FBN2: variants seen among roughly 807,000 people sequenced by gnomAD.
FBN2 encodes fibrillin 2.
Under a neutral mutation model 355.6 loss-of-function variants are expected in FBN2, and 105 were observed. The observed-to-expected ratio is 0.30, with a 90% CI of 0.25 to 0.35. The LOEUF (loss-of-function observed/expected upper bound fraction) is 0.35. Ranked by LOEUF, FBN2 falls within the 10% of genes least tolerant of loss-of-function variation. FBN2 has a pLI of 1.00. For synonymous variants in FBN2, 1,350 were observed against 1,301.2 expected, an observed-to-expected ratio of 1.04 and a Z score of -0.81; for missense variants, 3,280 against 3,758.7, an observed-to-expected ratio of 0.87 and a Z score of 3.33.
Position 128,286,284 on chromosome 5 carries a change from T to G in FBN2, c.7012+434A>C, listed in dbSNP as rs148730333. On this transcript the variant is annotated intron_variant, in intron 55 of 64. Transcript: ENST00000262464. ...TATGACACATGTAATTCAGAATAGT[T>G]CAGAAACTCACTCTTTTGTAAAATA... is the stretch of plus-strand genomic sequence containing the variant. Among the ~76,000 whole-genome samples, 611 of 152,352 alleles carry G rather than the reference T, an allele frequency of 4.0e-3. 3 individuals carry two copies. The highest frequency in any genetic ancestry group is 0.014 in the African/African-American group (574 of 41,584).
intron 55 of FBN2, among the ~76,000 whole-genome samples, chr5:128,281,143 T>C (rs942999488): frequency 3.9e-5 from 6 of 152,202 alleles, no homozygotes; most frequent in African/African-American, 1.2e-4. Context: ...GATTTCAATT[T>C]TGGTACTACA....
chr5:128,451,261 T>C (rs1332152952), intron 6 of FBN2, among the ~76,000 whole-genome samples: 1 of 152,170 alleles, frequency 6.6e-6, no homozygotes, highest in Non-Finnish European at 1.5e-5. Flanking sequence ...TTGTACTGAA[T>C]TAAAGTAGAT....
At position 128,366,382 on chromosome 5, in the gene FBN2, C is replaced by T; in HGVS notation, c.2297G>A (p.Gly766Glu). The change falls in exon 17 of 65, where the codon GGA becomes GAA. Residue 766 changes from glycine (G) to glutamate (E), a missense_variant. Gly to Glu is a moderately conservative substitution (Grantham distance 98). This residue lies in a region of FBN2 where 2,284 missense variants were observed against 2,749.5 expected (regional missense o/e 0.83). Coordinates refer to ENST00000262464, the MANE Select transcript of FBN2 (RefSeq NM_001999.4). Reference protein sequence around the residue: ...CSSGVGITVDGRDINECALDP... With the variant: ...CSSGVGITVDERDINECALDP... ...TTGAGATTAACTAGAGTTACCTCTT[C>T]CATCCACAGTGATACCTACTCCACT... is the stretch of plus-strand genomic sequence containing the variant. 1.3e-6 allele frequency: 2 copies of T among 1,586,434 alleles called. No individual in the cohort carries two copies. The highest frequency in any genetic ancestry group is 1.7e-4 in the Middle Eastern group (1 of 5,986).
rs527609978 is a variant in FBN2, at chr5:128,301,487, A to T, written c.5941T>A (p.Phe1981Ile). The T allele has an allele frequency of 1.3e-5, 21 of 1,613,556 alleles. No homozygotes were observed. In the East Asian group the frequency reaches 4.2e-4, roughly 33 times the overall value. ...CLDIDECSSF[F>I]GQVCRNGRCF... ...CGTCCATTTCTGCACACCTGACCAA[A>T]AAAGGAACTGCACTCATCTATGTCT... The change falls in exon 47 of 65, where the codon TTT becomes ATT. Residue 1981 changes from phenylalanine (F) to isoleucine (I), a missense_variant. Physicochemically the swap from Phe to Ile is conservative, Grantham distance 21. Around this residue, in one of 6 missense-constraint regions of FBN2, gnomAD observed 2,284 missense variants for 2,749.5 expected, o/e 0.83. Transcript: ENST00000262464.
intron 62 of FBN2, among the ~76,000 whole-genome samples, chr5:128,269,279 A>AATC (rs1157499066): frequency 7.0e-6 from 1 of 143,864 alleles, no homozygotes; most frequent in Non-Finnish European, 1.5e-5. Flanking sequence ...TAATAATAAT[A>AATC]ATAGTAATAA....
chr5:128,422,196 C>A (rs1045312282), intron 7 of FBN2, among the ~76,000 whole-genome samples: 3 of 152,124 alleles, frequency 2.0e-5, no homozygotes, highest in Non-Finnish European at 4.4e-5. Context: ...AACTGTAAGA[C>A]AATAAATCTG....
In FBN2 at chr5:128,377,425, T is replaced by C. The variant is rs562021215; in HGVS notation, c.1849+327A>G. On this transcript the variant is annotated intron_variant, in intron 13 of 64. Coordinates refer to ENST00000262464, the MANE Select transcript of FBN2 (RefSeq NM_001999.4). ...TGTAACCCCAACACCTGAAATACAG[T>C]AGCGGTCAGTAATTGTTTAAACTTA... 2.6e-5 allele frequency among the ~76,000 whole-genome samples: 4 copies of C among 152,214 alleles called. No homozygotes were observed. In the South Asian group the frequency reaches 8.3e-4, roughly 32 times the overall value.
intron 4 of FBN2, among the ~76,000 whole-genome samples, chr5:128,522,993 G>C (rs1164107397): frequency 2.0e-5 from 3 of 152,154 alleles, no homozygotes. Context: ...TGTTTTTCCT[G>C]TGTGGGTTGG....
intron 5 of FBN2, among the ~76,000 whole-genome samples, chr5:128,498,792 T>C (rs1017009017): frequency 1.7e-4 from 26 of 152,238 alleles, no homozygotes; most frequent in African/African-American, 5.8e-4. Context: ...TATTTCACTA[T>C]GATCTCTACA....
intron 27 of FBN2, 95 bp from the exon 28 acceptor site, chr5:128,336,208 T>C: frequency 8.2e-7 from 1 of 1,217,118 alleles, no homozygotes; most frequent in African/African-American, 1.5e-5. Context: ...TCCAAAGGGG[T>C]TTGTGTACTT....
chr5:128,263,154 T>C (rs1319309274), intron 63 of FBN2, among the ~76,000 whole-genome samples: 2 of 152,228 alleles, frequency 1.3e-5, no homozygotes, highest in Admixed American at 6.5e-5. Context: ...TTGGGTCAAA[T>C]TGAATCAATT....
At chr5:128,269,528 G>A (rs892510662) in intron 62 of FBN2, among the ~76,000 whole-genome samples, 10 of 150,522 alleles carry the variant, frequency 6.6e-5, no homozygotes, top group East Asian at 3.9e-4. Flanking sequence ...CAACTTCAGC[G>A]AAGCCTCAGG....
chr5:128,535,010 G>T (rs1381198687), intron 2 of FBN2, among the ~76,000 whole-genome samples: 2 of 152,190 alleles, frequency 1.3e-5, no homozygotes, highest in Non-Finnish European at 2.9e-5. Context: ...AGCAGCCATG[G>T]TAATGCCCTA....
At chr5:128,515,992 C>T (rs1756271342) in intron 5 of FBN2, among the ~76,000 whole-genome samples, 1 of 152,082 alleles carries the variant, frequency 6.6e-6, no homozygotes, top group South Asian at 2.1e-4. Flanking sequence ...AAGAAAATTC[C>T]ATTACAAAAG....
Position 128,390,737 on chromosome 5 carries a change from G to T in FBN2, c.1603+1281C>A, listed in dbSNP as rs1371220881. ...TACTATTTTTACTTGAAGAATGACT[G>T]ACAAATTATAGTTATTCAGAGTTAT... On this transcript the variant is annotated intron_variant, in intron 11 of 64. Coordinates refer to ENST00000262464, the MANE Select transcript of FBN2 (RefSeq NM_001999.4). Among the ~76,000 whole-genome samples the T allele has an allele frequency of 2.6e-5, 4 of 152,310 alleles. No homozygotes were observed. In the East Asian group the frequency reaches 7.7e-4, roughly 29 times the overall value.
In FBN2 at chr5:128,280,240, C is replaced by T; in HGVS notation, c.7090G>A (p.Glu2364Lys). The T allele has an allele frequency of 6.2e-7, 1 of 1,611,926 alleles. No individual in the cohort carries two copies. Among genetic ancestry groups the T allele is most frequent in the Non-Finnish European group, 8.5e-7 (1 of 1,178,192 alleles). Reference sequence around the variant, plus strand: ...CTTGACTGGAATCCTTCATTACACTCACATCTATAGCTTCCAATAATGTTA... The same window carrying T: ...CTTGACTGGAATCCTTCATTACACTTACATCTATAGCTTCCAATAATGTTA... Reference protein sequence around the residue: ...CVNIIGSYRCECNEGFQSSSS... With the variant: ...CVNIIGSYRCKCNEGFQSSSS... The change falls in exon 56 of 65, where the codon GAG becomes AAG. Residue 2364 changes from glutamate to lysine, a missense_variant. Glu to Lys is a moderately conservative substitution (Grantham distance 56, BLOSUM62 1). Around this residue, in one of 6 missense-constraint regions of FBN2, gnomAD observed 2,284 missense variants for 2,749.5 expected, o/e 0.83. Coordinates refer to ENST00000262464, the MANE Select transcript of FBN2 (RefSeq NM_001999.4).
In FBN2 at chr5:128,376,765, T is replaced by C. The variant is rs1057518608; in HGVS notation, c.1938A>G (p.Gly646=). The C allele has an allele frequency of 1.2e-6, 2 of 1,613,600 alleles. No individual in the cohort carries two copies. The highest frequency in any genetic ancestry group is 1.7e-6 in the Non-Finnish European group (2 of 1,179,736). ...AACGCCCATTTGGAGCCAAGACAAA[T>C]CCTGGTTTGCAGATGCACTTGAAGC... ...DGSFKCICKP[G]FVLAPNGRYC... The change falls in exon 14 of 65, where the codon GGA becomes GGG. Residue 646 remains glycine, a synonymous_variant. Coordinates refer to ENST00000262464, the MANE Select transcript of FBN2 (RefSeq NM_001999.4).
Position 128,357,360 on chromosome 5 carries a change from C to CA in FBN2, c.2589dup (p.Gly864TrpfsTer13). ...GATCCAAGGTTGTTTCTGCAGGCCC[C>CA]ATTGACACATGGGTTGCTTTCACAT... On this transcript the variant is annotated frameshift_variant, in exon 20 of 65. Transcript: ENST00000262464. LOFTEE classifies it high-confidence loss of function. 6.2e-7 allele frequency: 1 copy of CA among 1,613,936 alleles called. No homozygotes were observed. Among genetic ancestry groups the CA allele is most frequent in the Non-Finnish European group, 8.5e-7 (1 of 1,179,826 alleles).
chr5:128,364,777 T>C, intron 17 of FBN2, 52 bp from the exon 18 acceptor site: 6 of 1,505,652 alleles, frequency 4.0e-6, no homozygotes, highest in Middle Eastern at 3.4e-4. Context: ...TTATTGTTTG[T>C]TGATAAATGC....
Sources: allele counts gnomAD v4.1 joint callset (sites outside exome capture counted in the v4.1 genomes callset), GRCh38; gene constraint gnomAD v4.1.1; regional missense constraint gnomAD v4.1.1; transcripts MANE v1.5; gene names NCBI Gene and HGNC (gene_info 2026-07-23, HGNC 2026-07-21).